CHCHD6: variants seen among roughly 807,000 people sequenced by gnomAD.
CHCHD6 encodes the protein coiled-coil-helix-coiled-coil-helix domain containing 6.
CHCHD6 carries 28 observed loss-of-function variants against 32.3 expected under a neutral mutation model. That is an observed-to-expected ratio of 0.87 (90% CI 0.64 to 1.19). CHCHD6 has a LOEUF of 1.19. Ranked by LOEUF, CHCHD6 falls within the 50% of genes most tolerant of loss-of-function variation. CHCHD6 has a pLI of 0.00. For synonymous variants in CHCHD6, 122 were observed against 117.5 expected, an observed-to-expected ratio of 1.04 and a Z score of -0.25; for missense variants, 333 against 307.0, an observed-to-expected ratio of 1.08 and a Z score of -0.63.
chr3:126,885,488 T>G (rs910754902), intron 5 of CHCHD6, among the ~76,000 whole-genome samples: 2 of 152,210 alleles, frequency 1.3e-5, no homozygotes, highest in Non-Finnish European at 2.9e-5. Context: ...CAGTGGAAAT[T>G]AATTTTAAAA....
chr3:126,771,785 G>A (rs114270326), intron 4 of CHCHD6, among the ~76,000 whole-genome samples: 26 of 152,202 alleles, frequency 1.7e-4, no homozygotes, highest in Non-Finnish European at 3.7e-4. Flanking sequence ...GCTATAAACC[G>A]CCCTCTTAAC....
chr3:126,779,611 T>C (rs1244172828), intron 4 of CHCHD6, among the ~76,000 whole-genome samples: 1 of 152,016 alleles, frequency 6.6e-6, no homozygotes, highest in African/African-American at 2.4e-5. Flanking sequence ...TTGGAGTTAA[T>C]TTTTATGTAA....
At chr3:126,882,715 G>A (rs575703481) in intron 5 of CHCHD6, among the ~76,000 whole-genome samples, 1 of 152,296 alleles carries the variant, frequency 6.6e-6, no homozygotes, top group South Asian at 2.1e-4. Flanking sequence ...TATCACACAT[G>A]CAAGACTTCT....
intron 4 of CHCHD6, among the ~76,000 whole-genome samples, chr3:126,818,958 T>C (rs759430989): frequency 6.6e-6 from 1 of 152,202 alleles, no homozygotes; most frequent in Non-Finnish European, 1.5e-5. Flanking sequence ...GAATGTTTGC[T>C]AAGGAGCAGT....
chr3:126,739,491 T>C (rs1009727665), intron 4 of CHCHD6, among the ~76,000 whole-genome samples: 1 of 152,194 alleles, frequency 6.6e-6, no homozygotes, highest in Non-Finnish European at 1.5e-5. Context: ...ATTTTAACTT[T>C]TTAAGTCTCT....
intron 5 of CHCHD6, among the ~76,000 whole-genome samples, chr3:126,893,183 T>C (rs566386743): frequency 1.3e-5 from 2 of 152,260 alleles, no homozygotes; most frequent in Admixed American, 1.3e-4. Flanking sequence ...GGTCTCGAAC[T>C]CCTGGCCTCA....
intron 5 of CHCHD6, among the ~76,000 whole-genome samples, chr3:126,857,428 C>T (rs1251685637): frequency 5.9e-5 from 9 of 152,198 alleles, no homozygotes; most frequent in Non-Finnish European, 1.2e-4. Flanking sequence ...CTTTCAGATG[C>T]TTCCCTGCAC....
chr3:126,955,293 A>G (rs1456334239), intron 6 of CHCHD6, among the ~76,000 whole-genome samples: 6 of 152,258 alleles, frequency 3.9e-5, no homozygotes, highest in Non-Finnish European at 8.8e-5. Flanking sequence ...AGGCCAGTGA[A>G]GCGGGTCTCC....
intron 5 of CHCHD6, among the ~76,000 whole-genome samples, chr3:126,871,529 C>T (rs1413794488): frequency 6.6e-6 from 1 of 152,088 alleles, no homozygotes; most frequent in Non-Finnish European, 1.5e-5. Context: ...TGTAGGTCTC[C>T]TTCTCCCCAG....
chr3:126,914,783 G>C (rs761128702), intron 6 of CHCHD6, 33 bp downstream of exon 6: 1 of 1,297,842 alleles, frequency 7.7e-7, no homozygotes, highest in South Asian at 1.2e-5. Context: ...TTGTAAACTT[G>C]GCCCACAATT....
chr3:126,768,989 C>T (rs1350122245), intron 4 of CHCHD6, among the ~76,000 whole-genome samples: 1 of 152,208 alleles, frequency 6.6e-6, no homozygotes, highest in African/African-American at 2.4e-5. Context: ...TTGTAGGTCG[C>T]ACGTTTACTC....
intron 1 of CHCHD6, among the ~76,000 whole-genome samples, chr3:126,722,324 TA>T (rs963950428): frequency 6.6e-5 from 10 of 152,044 alleles, no homozygotes; most frequent in South Asian, 4.2e-4. Flanking sequence ...CCTGGCTAAT[TA>T]AAAAAAAATT....
At chr3:126,872,599 CTTT>C (rs1252175926) in intron 5 of CHCHD6, among the ~76,000 whole-genome samples, 1 of 152,204 alleles carries the variant, frequency 6.6e-6, no homozygotes. Context: ...TCCTTGCACT[CTTT>C]CTTCCTGGCA....
chr3:126,795,028 C>G (rs1035724764), intron 4 of CHCHD6, among the ~76,000 whole-genome samples: 3 of 152,008 alleles, frequency 2.0e-5, no homozygotes, highest in Admixed American at 2.0e-4. Flanking sequence ...TTCTCCTAGA[C>G]ATTTTTAGCT....
At chr3:126,757,131 T>C (rs1187768843) in intron 4 of CHCHD6, among the ~76,000 whole-genome samples, 1 of 152,212 alleles carries the variant, frequency 6.6e-6, no homozygotes, top group Non-Finnish European at 1.5e-5. Context: ...CAGTCTAGAA[T>C]GCTCCCAAAT....
intron 4 of CHCHD6, among the ~76,000 whole-genome samples, chr3:126,765,108 G>C (rs1390638866): frequency 6.6e-6 from 1 of 152,170 alleles, no homozygotes; most frequent in Non-Finnish European, 1.5e-5. Flanking sequence ...ACAGTGACAA[G>C]TGGTAACAAT....
At chr3:126,931,433 C>G (rs946800776) in intron 6 of CHCHD6, among the ~76,000 whole-genome samples, 1 of 152,180 alleles carries the variant, frequency 6.6e-6, no homozygotes, top group Non-Finnish European at 1.5e-5. Flanking sequence ...TCCGCCAGTC[C>G]CTGGTCTTGG....
chr3:126,730,950 T>TA (rs1041051445), intron 3 of CHCHD6, among the ~76,000 whole-genome samples: 4 of 151,468 alleles, frequency 2.6e-5, no homozygotes, highest in Admixed American at 2.6e-4. Context: ...CTCTAAAAGA[T>TA]AAAAAATTAG....
At chr3:126,876,358 C>T (rs1002887538) in intron 5 of CHCHD6, among the ~76,000 whole-genome samples, 2 of 152,214 alleles carry the variant, frequency 1.3e-5, no homozygotes, top group African/African-American at 4.8e-5. Context: ...TTGTTTGAGT[C>T]TGGTGAGAAG....
Sources: gnomAD v4.1 joint callset for allele counts (sites outside exome capture counted in the v4.1 genomes callset) on GRCh38, gnomAD v4.1.1 for gene constraint, MANE v1.5 for transcripts, NCBI Gene and HGNC (gene_info 2026-07-23, HGNC 2026-07-21) for gene names.